The following GALNTL6 variants were observed in gnomAD, a reference collection of about 807,000 sequenced individuals.
The protein encoded by GALNTL6 is polypeptide N-acetylgalactosaminyltransferase like 6, also known as polypeptide N-acetylgalactosaminyltransferase-like 6.
Under a neutral mutation model 73.7 loss-of-function variants are expected in GALNTL6, and 46 were observed. The observed-to-expected ratio is 0.62, with a 90% CI of 0.49 to 0.80. The LOEUF is 0.80. Ranked by LOEUF, GALNTL6 falls within the 30% of genes least tolerant of loss-of-function variation. GALNTL6 has a pLI of 0.00. For synonymous variants in GALNTL6, 259 were observed against 263.7 expected, an observed-to-expected ratio of 0.98 and a Z score of 0.17; for missense variants, 604 against 755.0, an observed-to-expected ratio of 0.80 and a Z score of 2.34.
At chr4:172,578,465 A>T (rs924620301) in intron 5 of GALNTL6, among the ~76,000 whole-genome samples, 4 of 152,228 alleles carry the variant, frequency 2.6e-5, no homozygotes, top group Non-Finnish European at 4.4e-5. Flanking sequence ...AATTGATATG[A>T]TTAGCAAAGA....
intron 2 of GALNTL6, among the ~76,000 whole-genome samples, chr4:171,863,762 T>C (rs1308862908): frequency 7.8e-6 from 1 of 128,838 alleles, no homozygotes; most frequent in Non-Finnish European, 1.7e-5. Flanking sequence ...AAAGGAACAC[T>C]TTTTTTTTTT....
intron 7 of GALNTL6, among the ~76,000 whole-genome samples, chr4:172,859,152 C>T (rs1477693927): frequency 1.3e-5 from 2 of 151,624 alleles, no homozygotes; most frequent in East Asian, 1.9e-4. Flanking sequence ...CCAACTTCAA[C>T]GAAAATGGAA....
At chr4:173,016,982 A>G (rs1488261445) in intron 11 of GALNTL6, among the ~76,000 whole-genome samples, 1 of 152,116 alleles carries the variant, frequency 6.6e-6, no homozygotes, top group South Asian at 2.1e-4. Context: ...GTGAGTTCTC[A>G]TGAGATCTGA....
At chr4:172,957,006 G>A (rs757800703) in intron 10 of GALNTL6, among the ~76,000 whole-genome samples, 7 of 152,180 alleles carry the variant, frequency 4.6e-5, no homozygotes, top group South Asian at 2.1e-4. Flanking sequence ...AGAGATGACC[G>A]TGGTGGCCTT....
chr4:171,914,428 C>CTT (rs33924519), intron 2 of GALNTL6, among the ~76,000 whole-genome samples: 5 of 103,808 alleles, frequency 4.8e-5, no homozygotes, highest in African/African-American at 7.9e-5. Context: ...GGAAAATGTA[C>CTT]TTTTTTTTTT....
intron 2 of GALNTL6, among the ~76,000 whole-genome samples, chr4:171,964,438 G>A (rs936872935): frequency 6.6e-6 from 1 of 152,022 alleles, no homozygotes; most frequent in African/African-American, 2.4e-5. Flanking sequence ...CTAACACCAA[G>A]GAATCAAAAG....
chr4:172,131,273 A>T (rs1049377399), intron 2 of GALNTL6, among the ~76,000 whole-genome samples: 12 of 151,394 alleles, frequency 7.9e-5, no homozygotes, highest in African/African-American at 2.4e-4. Flanking sequence ...GTAAATAATT[A>T]TAACTAGTAA....
chr4:172,352,694 G>A (rs1335171024), intron 5 of GALNTL6, among the ~76,000 whole-genome samples: 3 of 152,038 alleles, frequency 2.0e-5, no homozygotes, highest in South Asian at 2.1e-4. Flanking sequence ...GAGGATAGTC[G>A]CAGGAGAGTT....
intron 5 of GALNTL6, among the ~76,000 whole-genome samples, chr4:172,705,269 G>A (rs768159279): frequency 5.5e-4 from 79 of 142,644 alleles, no homozygotes; most frequent in Admixed American, 4.9e-4. Flanking sequence ...TTTTCTTACT[G>A]CCTCCTTTTG....
intron 7 of GALNTL6, among the ~76,000 whole-genome samples, chr4:172,861,318 C>CTT (rs772337885): frequency 7.1e-6 from 1 of 140,774 alleles, no homozygotes; most frequent in Admixed American, 7.0e-5. Context: ...TTTTTGCTTA[C>CTT]ATGTGTGTGT....
At chr4:172,492,930 G>A (rs1344089430) in intron 5 of GALNTL6, among the ~76,000 whole-genome samples, 6 of 152,094 alleles carry the variant, frequency 3.9e-5, no homozygotes, top group Non-Finnish European at 8.8e-5. Flanking sequence ...GTCTGCATGC[G>A]CAAAGAGGTG....
At chr4:172,133,548 T>C (rs1733555483) in intron 2 of GALNTL6, among the ~76,000 whole-genome samples, 1 of 152,214 alleles carries the variant, frequency 6.6e-6, no homozygotes, top group African/African-American at 2.4e-5. Context: ...TGAAACACTC[T>C]TGGGTTTGTG....
chr4:172,171,211 T>C (rs913481949), intron 2 of GALNTL6, among the ~76,000 whole-genome samples: 1 of 152,154 alleles, frequency 6.6e-6, no homozygotes, highest in Non-Finnish European at 1.5e-5. Flanking sequence ...AAGCATAACC[T>C]CAGATTTTCA....
At chr4:172,885,256 A>C (rs1394207121) in intron 8 of GALNTL6, among the ~76,000 whole-genome samples, 2 of 152,180 alleles carry the variant, frequency 1.3e-5, no homozygotes, top group Non-Finnish European at 2.9e-5. Flanking sequence ...ATCAAAGACC[A>C]TGGTATATCT....
chr4:172,588,604 T>C (rs61263635), intron 5 of GALNTL6, among the ~76,000 whole-genome samples: 4,225 of 152,016 alleles, frequency 0.028, 141 homozygotes, highest in African/African-American at 0.073. Context: ...GGCTATTTAA[T>C]ACTCACTCAA....
At chr4:172,372,692 G>T (rs566014785) in intron 5 of GALNTL6, among the ~76,000 whole-genome samples, 1 of 151,680 alleles carries the variant, frequency 6.6e-6, no homozygotes, top group Non-Finnish European at 1.5e-5. Context: ...ACTAGGGCCT[G>T]CTTTAAGGTT....
chr4:172,689,016 C>T (rs544914571), intron 5 of GALNTL6, among the ~76,000 whole-genome samples: 101 of 152,234 alleles, frequency 6.6e-4, no homozygotes, highest in African/African-American at 2.3e-3. Context: ...AATTAGCTCA[C>T]ACTACCAATT....
chr4:171,961,957 T>C (rs988596734), intron 2 of GALNTL6, among the ~76,000 whole-genome samples: 2 of 152,234 alleles, frequency 1.3e-5, no homozygotes, highest in Non-Finnish European at 2.9e-5. Flanking sequence ...ATGTTTACAA[T>C]GAAAGATAAG....
At chr4:172,716,052 T>C (rs554815669) in intron 5 of GALNTL6, among the ~76,000 whole-genome samples, 101 of 152,210 alleles carry the variant, frequency 6.6e-4, no homozygotes, top group African/African-American at 2.2e-3. Flanking sequence ...AATTTGGCAG[T>C]TTTGCTCCCG....
Sources: gnomAD v4.1 joint callset for allele counts (sites outside exome capture counted in the v4.1 genomes callset) on GRCh38, gnomAD v4.1.1 for gene constraint, MANE v1.5 for transcripts, NCBI Gene and HGNC (gene_info 2026-07-23, HGNC 2026-07-21) for gene names.